The following ZNF346 variants were observed in gnomAD, a reference collection of about 807,000 sequenced individuals.
ZNF346 encodes double-stranded RNA-binding zinc finger protein JAZ.
A neutral mutation model predicts 33.7 loss-of-function variants in ZNF346; 23 were observed. That is an observed-to-expected ratio of 0.68 (90% CI 0.49 to 0.97). The LOEUF (loss-of-function observed/expected upper bound fraction) is 0.97, where lower values mean the gene tolerates loss of function less well. ZNF346 is among the 50% of genes least tolerant of loss of function. The pLI is 0.00. For synonymous variants in ZNF346, 134 were observed against 142.4 expected (o/e 0.94, Z 0.42); for missense variants, 340 against 371.1 (o/e 0.92, Z 0.69).
At chr5:177,041,593 A>T (rs746465332) in intron 2 of ZNF346, among the ~76,000 whole-genome samples, 185 bp from the exon 3 acceptor site, 1 of 152,210 alleles carries the variant, frequency 6.6e-6, no homozygotes, top group Non-Finnish European at 1.5e-5. Flanking sequence ...TTTCTCATAG[A>T]TTGTGAAGAT....
rs147511734 is a variant in ZNF346 at position 177,056,225 on chromosome 5, C to A, written c.703+5289C>A. 5.2e-3 allele frequency among the ~76,000 whole-genome samples: 785 copies of A among 152,124 alleles called. 10 individuals are homozygous for A. Among genetic ancestry groups the A allele is most frequent in the African/African-American group, 0.016 (645 of 41,492 alleles). On this transcript the variant is annotated intron_variant, in intron 5 of 6. Transcript: ENST00000358149. Reference sequence around the variant, plus strand: ...ACTGGGCGACAGAGCAAGGCTCCATCTCAAAAAAATAAAAATCTAAAAAGA... The same window carrying A: ...ACTGGGCGACAGAGCAAGGCTCCATATCAAAAAAATAAAAATCTAAAAAGA...
chr5:177,033,690 AT>A (rs1778055630), intron 1 of ZNF346, among the ~76,000 whole-genome samples: 1 of 151,884 alleles, frequency 6.6e-6, no homozygotes, highest in African/African-American at 2.4e-5. Context: ...CACATGGCTA[AT>A]TTTTTGTATT....
At chr5:177,033,336 C>T (rs914540553) in intron 1 of ZNF346, among the ~76,000 whole-genome samples, 1 of 152,170 alleles carries the variant, frequency 6.6e-6, no homozygotes, top group African/African-American at 2.4e-5. Context: ...GCCTCAGTCT[C>T]CCAGAGTGTC....
chr5:177,046,615 T>G (rs1005274139), intron 4 of ZNF346, among the ~76,000 whole-genome samples: 3 of 152,220 alleles, frequency 2.0e-5, no homozygotes, highest in Non-Finnish European at 4.4e-5. Flanking sequence ...TTGTAAGAGA[T>G]AAGGAAAACA....
intron 5 of ZNF346, among the ~76,000 whole-genome samples, chr5:177,057,852 G>T (rs371510374): frequency 4.8e-5 from 7 of 146,738 alleles, no homozygotes; most frequent in African/African-American, 1.8e-4. Flanking sequence ...ACAGAGTTTC[G>T]CTCTTAATGC....
At chr5:177,041,986 G>A (rs566871378) in intron 3 of ZNF346, 116 bp downstream of exon 3, 18 of 608,916 alleles carry the variant, frequency 3.0e-5, no homozygotes, top group South Asian at 1.8e-4. Flanking sequence ...TGTGTGACTC[G>A]GGCAAGTCTA....
chr5:177,061,634 A>G (rs1432793943), intron 5 of ZNF346, among the ~76,000 whole-genome samples: 1 of 152,242 alleles, frequency 6.6e-6, no homozygotes, highest in Non-Finnish European at 1.5e-5. Context: ...CAGATTGATT[A>G]TCATAACCAG....
rs1245396431 is a variant in ZNF346, at chr5:177,066,114, G to A, written c.*1515G>A. The A allele has an allele frequency of 1.3e-5, 2 of 149,470 alleles. No homozygotes were observed. Among genetic ancestry groups the A allele is most frequent in the Non-Finnish European group, 1.5e-5 (1 of 67,550 alleles). 9.3% of individuals were successfully genotyped at this position (149,470 alleles called of 1,614,324 possible). ...GAGTTGGGACAGAGTCGAGCACCCT[G>A]TGAAAGTCTCCCTTGAGTTCAGGTG... On this transcript the variant is annotated 3_prime_UTR_variant, in exon 7 of 7. Transcript: ENST00000358149.
intron 8 of ZNF346, among the ~76,000 whole-genome samples, chr5:177,073,084 T>C (rs1783581970): frequency 6.6e-6 from 1 of 152,188 alleles, no homozygotes. Flanking sequence ...TAGCCCTTAA[T>C]ATGCTGTGTT....
In ZNF346 at chr5:177,064,727, C is replaced by A. The variant is rs2149709905; in HGVS notation, c.*128C>A. 1.4e-6 allele frequency: 1 copy of A among 720,974 alleles called. No individual in the cohort carries two copies. Among genetic ancestry groups the A allele is most frequent in the Non-Finnish European group, 2.4e-6 (1 of 410,382 alleles). 44.7% of individuals were successfully genotyped at this position (720,974 alleles called of 1,614,324 possible). A position where few individuals can be genotyped will look rare whatever the true frequency, so the allele number is the denominator to read the frequency against. ...TACACGGGCCTGAGGCAGGATTGGG[C>A]CACAGACAGCCTCTCATTGGTCCGG... On this transcript the variant is annotated 3_prime_UTR_variant, in exon 7 of 7. Coordinates refer to ENST00000358149, the MANE Select transcript of ZNF346 (RefSeq NM_012279.4).
At chr5:177,070,979 C>G (rs1402163620), downstream of ZNF346, among the ~76,000 whole-genome samples, 1 of 152,186 alleles carries the variant, frequency 6.6e-6, no homozygotes, top group Non-Finnish European at 1.5e-5. Context: ...TGGAAGCATA[C>G]TCTTAGCCCA....
At chr5:177,034,134 C>T (rs1266843190) in intron 1 of ZNF346, among the ~76,000 whole-genome samples, 2 of 152,080 alleles carry the variant, frequency 1.3e-5, no homozygotes, top group Admixed American at 1.3e-4. Context: ...CCTCCCACCT[C>T]AGCCTCCTGA....
chr5:177,070,409 G>A (rs144714512), downstream of ZNF346, among the ~76,000 whole-genome samples: 2 of 152,238 alleles, frequency 1.3e-5, no homozygotes, highest in African/African-American at 2.4e-5. Context: ...GGGAGCCCCT[G>A]CTCATGGCTC....
intron 3 of ZNF346, 76 bp downstream of exon 3, chr5:177,041,946 G>T: frequency 1.1e-6 from 1 of 926,668 alleles, no homozygotes. Context: ...GAACAAGTCA[G>T]ACTGTCTTGG....
chr5:177,047,030 T>TTATATTTATTTA (rs1554148733), intron 4 of ZNF346, among the ~76,000 whole-genome samples: 2,187 of 147,856 alleles, frequency 0.015, 65 homozygotes, highest in African/African-American at 0.051. Context: ...TTTTATTTAT[T>TTATATTTATTTA]TTTATTTATT....
At chr5:177,057,042 G>A (rs1781780313) in intron 5 of ZNF346, among the ~76,000 whole-genome samples, 1 of 152,204 alleles carries the variant, frequency 6.6e-6, no homozygotes, top group Admixed American at 6.5e-5. Context: ...TGGGTTTGAT[G>A]GCTCACGCCT....
Position 177,044,442 on chromosome 5 carries a change from C to G in ZNF346, c.426C>G (p.Thr142=), listed in dbSNP as rs1299207591. The change falls in exon 4 of 7, where the codon ACC becomes ACG. Residue 142 remains threonine (T), a synonymous_variant. Coordinates refer to ENST00000358149, the MANE Select transcript of ZNF346 (RefSeq NM_012279.4). ...KNQCCPICNM[T]FSSPVVAQSH... ...AGTGCTGCCCCATCTGTAACATGAC[C>G]TTTTCCTCCCCTGTCGTGGCCCAGT... The G allele has an allele frequency of 6.2e-7, 1 of 1,614,092 alleles. No individual in the cohort carries two copies. Among genetic ancestry groups the G allele is most frequent in the Admixed American group, 1.7e-5 (1 of 60,018 alleles).
At chr5:177,025,820 T>C (rs1356248971) in intron 1 of ZNF346, among the ~76,000 whole-genome samples, 1 of 152,180 alleles carries the variant, frequency 6.6e-6, no homozygotes, top group Non-Finnish European at 1.5e-5. Context: ...GACTGTGACT[T>C]GTTTTTTCAT....
chr5:177,033,679 A>G (rs1429143319), intron 1 of ZNF346, among the ~76,000 whole-genome samples: 1 of 151,970 alleles, frequency 6.6e-6, no homozygotes, highest in Non-Finnish European at 1.5e-5. Flanking sequence ...ACCCGCCACC[A>G]CACATGGCTA....
Sources: gnomAD v4.1 joint callset for allele counts (sites outside exome capture counted in the v4.1 genomes callset) on GRCh38, gnomAD v4.1.1 for gene constraint, MANE v1.5 for transcripts, NCBI Gene and HGNC (gene_info 2026-07-23, HGNC 2026-07-21) for gene names.